The following CNOT4 variants were observed in gnomAD, a reference collection of about 807,000 sequenced individuals.
CNOT4 encodes CCR4-NOT transcription complex subunit 4.
CNOT4 carries 8 observed loss-of-function variants against 73.8 expected under a neutral mutation model. The ratio of observed to expected loss-of-function variants is 0.11; its 90% CI spans 0.06 to 0.20. The LOEUF (loss-of-function observed/expected upper bound fraction) is 0.20. Ranked by LOEUF, CNOT4 falls within the 10% of genes least tolerant of loss-of-function variation. The pLI, the probability that CNOT4 is intolerant of heterozygous loss-of-function variation, is 1.00. For missense variants in CNOT4, 564 were observed against 883.4 expected (o/e 0.64, Z 4.58); for synonymous variants, 293 against 321.1 (o/e 0.91, Z 0.94).
chr7:135,480,717 C>T (rs1384692802), intron 1 of CNOT4, among the ~76,000 whole-genome samples: 2 of 152,094 alleles, frequency 1.3e-5, no homozygotes, highest in African/African-American at 4.8e-5. Context: ...AATGTTCCTT[C>T]CATTTTGTTC....
At chr7:135,446,611 T>A (rs1434006519) in intron 1 of CNOT4, among the ~76,000 whole-genome samples, 2 of 152,074 alleles carry the variant, frequency 1.3e-5, no homozygotes, top group African/African-American at 2.4e-5. Context: ...GTCCACTGAA[T>A]ACAGTTACAC....
chr7:135,421,596 C>T (rs570430273), intron 3 of CNOT4, among the ~76,000 whole-genome samples: 2 of 152,258 alleles, frequency 1.3e-5, no homozygotes, highest in Non-Finnish European at 2.9e-5. Context: ...TCTCCTCCCC[C>T]GAATGAATGA....
intron 7 of CNOT4, among the ~76,000 whole-genome samples, chr7:135,401,455 T>A (rs998380476): frequency 1.3e-5 from 2 of 152,236 alleles, no homozygotes; most frequent in African/African-American, 4.8e-5. Flanking sequence ...GGGCTTTTTT[T>A]ATTTAAAAAC....
At chr7:135,405,761 C>T (rs907200764) in intron 7 of CNOT4, among the ~76,000 whole-genome samples, 3 of 152,080 alleles carry the variant, frequency 2.0e-5, no homozygotes, top group African/African-American at 7.2e-5. Context: ...ATATGTGCAT[C>T]GGGGACCATG....
At chr7:135,492,407 G>A (rs1357516945) in intron 1 of CNOT4, among the ~76,000 whole-genome samples, 1 of 152,154 alleles carries the variant, frequency 6.6e-6, no homozygotes, top group East Asian at 1.9e-4. Flanking sequence ...TGAGTTGAAG[G>A]CATATGCAAT....
intron 10 of CNOT4, among the ~76,000 whole-genome samples, chr7:135,372,429 A>T (rs754265856): frequency 3.4e-4 from 52 of 152,156 alleles, no homozygotes; most frequent in Non-Finnish European, 6.5e-4. Context: ...TTACAACTAG[A>T]CTTTGAGCTC....
intron 1 of CNOT4, among the ~76,000 whole-genome samples, chr7:135,474,644 G>A (rs10267977): frequency 0.074 from 11,289 of 152,192 alleles, 498 homozygotes; most frequent in Middle Eastern, 0.13. Context: ...GCTCTGGTTA[G>A]GAGTTTAAGT....
intron 10 of CNOT4, among the ~76,000 whole-genome samples, chr7:135,391,030 A>G (rs957881098): frequency 3.3e-5 from 5 of 152,288 alleles, no homozygotes; most frequent in Admixed American, 2.6e-4. Flanking sequence ...ATCCTTGCCA[A>G]TAGTTCAACT....
chr7:135,375,576 G>A (rs1479831328), intron 10 of CNOT4, among the ~76,000 whole-genome samples: 1 of 152,132 alleles, frequency 6.6e-6, no homozygotes. Context: ...ATAGATTTAT[G>A]GGTATCAAAA....
chr7:135,459,810 C>A (rs1269099267), intron 1 of CNOT4, among the ~76,000 whole-genome samples: 1 of 152,234 alleles, frequency 6.6e-6, no homozygotes, highest in African/African-American at 2.4e-5. Context: ...AAGCCAGGCA[C>A]TGACTTCTCC....
intron 1 of CNOT4, among the ~76,000 whole-genome samples, chr7:135,447,872 G>A (rs1046158884): frequency 6.6e-6 from 1 of 152,170 alleles, no homozygotes; most frequent in Non-Finnish European, 1.5e-5. Flanking sequence ...GTATGGATCT[G>A]GCTAAGAAGC....
chr7:135,439,729 A>G (rs1234102997), intron 1 of CNOT4, among the ~76,000 whole-genome samples: 2 of 152,234 alleles, frequency 1.3e-5, no homozygotes, highest in Non-Finnish European at 2.9e-5. Context: ...GCAGTGAGCT[A>G]TAACTGTGCC....
intron 10 of CNOT4, among the ~76,000 whole-genome samples, chr7:135,370,757 G>A (rs1429003138): frequency 6.6e-6 from 1 of 152,188 alleles, no homozygotes; most frequent in East Asian, 1.9e-4. Flanking sequence ...ATAATGCTGT[G>A]AACAGATGGT....
At chr7:135,501,064 AC>A (rs1350133803) in intron 1 of CNOT4, among the ~76,000 whole-genome samples, 1 of 150,770 alleles carries the variant, frequency 6.6e-6, no homozygotes, top group African/African-American at 2.4e-5. Context: ...GCTCACTGCA[AC>A]CTCCGCCTCC....
chr7:135,455,630 T>G (rs1800478914), intron 1 of CNOT4, among the ~76,000 whole-genome samples: 1 of 151,514 alleles, frequency 6.6e-6, no homozygotes, highest in African/African-American at 2.4e-5. Context: ...ATCCCAGCAC[T>G]TTTGGAGGCT....
chr7:135,465,115 C>T (rs2129486474), intron 1 of CNOT4, among the ~76,000 whole-genome samples: 1 of 152,242 alleles, frequency 6.6e-6, no homozygotes, highest in South Asian at 2.1e-4. Flanking sequence ...TGGTGTATTT[C>T]CTAAGCTGCT....
intron 5 of CNOT4, among the ~76,000 whole-genome samples, chr7:135,413,881 T>A (rs929652781): frequency 6.6e-6 from 1 of 151,968 alleles, no homozygotes; most frequent in Admixed American, 6.6e-5. Context: ...GGAGAGGAGA[T>A]AGACAAAAAA....
rs542985665 is a variant in CNOT4, at chr7:135,503,102, G to A, written c.-93+6787C>T. 3.3e-4 allele frequency among the ~76,000 whole-genome samples: 50 copies of A among 152,150 alleles called. No homozygotes were observed. In the South Asian group the frequency reaches 9.3e-3, roughly 28 times the overall value. ...CAGAAAGCAGAAGTTGCAGTGAGCC[G>A]GGATGGCACCACTGCCACTTTAGCC... On this transcript the variant is annotated intron_variant, in intron 1 of 11. Coordinates refer to ENST00000541284, the MANE Select transcript of CNOT4 (RefSeq NM_001190850.2).
chr7:135,469,936 C>T (rs1801469968), intron 1 of CNOT4, among the ~76,000 whole-genome samples: 1 of 152,120 alleles, frequency 6.6e-6, no homozygotes, highest in African/African-American at 2.4e-5. Context: ...ATTCTCCTGC[C>T]TGAGCCTCCC....
Sources: gnomAD v4.1 joint callset for allele counts (sites outside exome capture counted in the v4.1 genomes callset) on GRCh38, gnomAD v4.1.1 for gene constraint, MANE v1.5 for transcripts, NCBI Gene and HGNC (gene_info 2026-07-23, HGNC 2026-07-21) for gene names.